Variants in ANKRD42 observed in about 807,000 individuals in gnomAD.
The protein encoded by ANKRD42 is ankyrin repeat domain 42, also known as ankyrin repeat domain-containing protein 42.
ANKRD42 carries 43 observed loss-of-function variants against 51.5 expected under a neutral mutation model. The observed-to-expected ratio is 0.83, with a 90% CI of 0.65 to 1.08. ANKRD42 has a LOEUF of 1.08. Among genes scored for constraint, ANKRD42 ranks in the 50% least tolerant of loss-of-function variants. The pLI, the probability that ANKRD42 is intolerant of heterozygous loss-of-function variation, is 0.00. For missense variants in ANKRD42, 608 were observed against 629.3 expected, an observed-to-expected ratio of 0.97 and a Z score of 0.36; for synonymous variants, 203 against 213.0, an observed-to-expected ratio of 0.95 and a Z score of 0.41.
chr11:83,239,761 A>G (rs1386859993), intron 8 of ANKRD42, among the ~76,000 whole-genome samples: 3 of 152,238 alleles, frequency 2.0e-5, no homozygotes, highest in Non-Finnish European at 4.4e-5. Flanking sequence ...AGCATCAAAT[A>G]GGTGATTGAA....
chr11:83,215,087 C>T (rs1382239095), intron 5 of ANKRD42: 2 of 152,156 alleles, frequency 1.3e-5, no homozygotes, highest in Admixed American at 6.5e-5. Context: ...AATTATATTT[C>T]GTTGTGAATA....
rs1229861456 is a variant in ANKRD42 at position 83,194,162 on chromosome 11, AT to A, written c.-505del. On this transcript the variant is annotated 5_prime_UTR_variant, in exon 1 of 11. Coordinates refer to ENST00000533342, the MANE Select transcript of ANKRD42 (RefSeq NM_001300975.2). Reference sequence around the variant, plus strand: ...AGCACCTTCTGCAGCAGCGACGTGAATTTTAGTGAAGTTGGAGGCCACCAAA... The same window carrying A: ...AGCACCTTCTGCAGCAGCGACGTGAATTTAGTGAAGTTGGAGGCCACCAAA... 2.2e-6 allele frequency: 1 copy of A among 457,114 alleles called. No homozygotes were observed. The highest frequency in any genetic ancestry group is 1.5e-5 in the South Asian group (1 of 64,560). 28.3% of individuals were successfully genotyped at this position (457,114 alleles called of 1,614,324 possible). A position where few individuals can be genotyped will look rare whatever the true frequency, so the allele number is the denominator to read the frequency against.
chr11:83,220,924 ATTT>A (rs1169710299), intron 5 of ANKRD42, among the ~76,000 whole-genome samples: 3 of 129,188 alleles, frequency 2.3e-5, no homozygotes, highest in Non-Finnish European at 5.0e-5. Context: ...GGATATTTAT[ATTT>A]ATCTCAAGTT....
At chr11:83,208,463 A>G (rs80044672) in intron 3 of ANKRD42, among the ~76,000 whole-genome samples, 28 of 152,316 alleles carry the variant, frequency 1.8e-4, no homozygotes, top group African/African-American at 6.7e-4. Flanking sequence ...TAATGAAAAC[A>G]GTATTTCAGG....
At chr11:83,205,104 T>G (rs1163940869) in intron 2 of ANKRD42, among the ~76,000 whole-genome samples, 1 of 152,206 alleles carries the variant, frequency 6.6e-6, no homozygotes, top group East Asian at 1.9e-4. Context: ...AGTTTGGCAG[T>G]TTTTAAAATA....
intron 7 of ANKRD42, among the ~76,000 whole-genome samples, chr11:83,228,218 T>TCC (rs1284524686): frequency 4.5e-5 from 5 of 110,574 alleles, no homozygotes; most frequent in East Asian, 2.9e-4. Flanking sequence ...ATAGAAATCA[T>TCC]CCCTCTCTCT....
chr11:83,204,223 A>G (rs763342265), intron 2 of ANKRD42, among the ~76,000 whole-genome samples: 1 of 152,194 alleles, frequency 6.6e-6, no homozygotes, highest in Non-Finnish European at 1.5e-5. Flanking sequence ...GATTACAGAC[A>G]TGAACCACTG....
downstream of ANKRD42, among the ~76,000 whole-genome samples, chr11:83,252,401 TC>T (rs1863690449): frequency 6.6e-6 from 1 of 152,202 alleles, no homozygotes; most frequent in African/African-American, 2.4e-5. Context: ...TATATAATGT[TC>T]TTGTCAGCAT....
At chr11:83,251,876 C>T (rs903093492), downstream of ANKRD42, among the ~76,000 whole-genome samples, 6 of 152,044 alleles carry the variant, frequency 3.9e-5, no homozygotes, top group Admixed American at 6.5e-5. Context: ...ATCTTCATGA[C>T]CTTGGGGTAG....
At chr11:83,219,306 C>T (rs1862640918) in intron 5 of ANKRD42, among the ~76,000 whole-genome samples, 1 of 152,194 alleles carries the variant, frequency 6.6e-6, no homozygotes, top group Admixed American at 6.5e-5. Context: ...AAGTGGGGCA[C>T]AAGGACTGTT....
chr11:83,262,207 A>G (rs560225606), downstream of ANKRD42, among the ~76,000 whole-genome samples: 8 of 152,294 alleles, frequency 5.3e-5, no homozygotes, highest in South Asian at 1.7e-3. Context: ...TTAGAAACCT[A>G]TAACCTGTAT....
chr11:83,219,995 T>C (rs963854481), intron 5 of ANKRD42, among the ~76,000 whole-genome samples: 1 of 152,158 alleles, frequency 6.6e-6, no homozygotes, highest in African/African-American at 2.4e-5. Flanking sequence ...TAACCTTGCT[T>C]GCAAGATGAG....
chr11:83,211,758 C>T (rs537590915), intron 5 of ANKRD42, among the ~76,000 whole-genome samples: 41 of 152,170 alleles, frequency 2.7e-4, no homozygotes, highest in African/African-American at 9.9e-4. Context: ...GCTGTGATTG[C>T]ACCACTGCAC....
intron 5 of ANKRD42, among the ~76,000 whole-genome samples, chr11:83,216,954 C>T (rs776098614): frequency 2.0e-5 from 3 of 151,752 alleles, no homozygotes; most frequent in Admixed American, 6.6e-5. Flanking sequence ...AAGAAGGGGC[C>T]CTGCAGTTGT....
chr11:83,205,162 T>C (rs1357817399), intron 2 of ANKRD42, among the ~76,000 whole-genome samples: 2 of 152,220 alleles, frequency 1.3e-5, no homozygotes, highest in African/African-American at 4.8e-5. Context: ...CACTTCTACA[T>C]ATTCACCCAA....
rs780802617 is a variant in ANKRD42 at position 83,193,969 on chromosome 11, C to A, written c.-702C>A. ...AAGAAAATGTGAAGAGAGCGACCGC[C>A]GCTCCAGGGTCGCTGCAGGAAGCCT... On this transcript the variant is annotated 5_prime_UTR_variant, in exon 1 of 11. Coordinates refer to ENST00000533342, the MANE Select transcript of ANKRD42 (RefSeq NM_001300975.2). 1.1e-5 allele frequency: 5 copies of A among 456,402 alleles called. No individual in the cohort carries two copies. The highest frequency in any genetic ancestry group is 7.7e-5 in the South Asian group (5 of 64,558). 28.3% of individuals were successfully genotyped at this position (456,402 alleles called of 1,614,324 possible). A position where few individuals can be genotyped will look rare whatever the true frequency, so the allele number is the denominator to read the frequency against.
chr11:83,224,921 C>A lies in ANKRD42; in HGVS notation c.653C>A (p.Ala218Glu). ...TTCCTAGTCAGTAGAATGAGCAGTG[C>A]GACGCAAGTTTTAAAAGCTTTCAAT... ...FKFLVSRMSSATQVLKAFNDN... is the reference protein window; with the variant it reads ...FKFLVSRMSSETQVLKAFNDN... The change falls in exon 6 of 11, where the codon GCG (alanine) becomes GAG (glutamate). Residue 218 changes from alanine (A) to glutamate (E), a missense_variant. Ala to Glu is a moderately radical substitution (Grantham distance 107, BLOSUM62 -1). Coordinates refer to ENST00000533342, the MANE Select transcript of ANKRD42 (RefSeq NM_001300975.2). 1.2e-6 allele frequency: 2 copies of A among 1,612,944 alleles called. No homozygotes were observed.
At chr11:83,230,396 C>T (rs1374069190) in intron 7 of ANKRD42, among the ~76,000 whole-genome samples, 1 of 152,144 alleles carries the variant, frequency 6.6e-6, no homozygotes, top group African/African-American at 2.4e-5. Context: ...CCCTACCTCC[C>T]TCTGACTCCC....
chr11:83,204,294 A>G (rs1861985737), intron 2 of ANKRD42, among the ~76,000 whole-genome samples: 1 of 152,230 alleles, frequency 6.6e-6, no homozygotes, highest in Admixed American at 6.5e-5. Flanking sequence ...GAGAGCAGAT[A>G]TATTTTCATT....
Sources: allele counts gnomAD v4.1 joint callset (sites outside exome capture counted in the v4.1 genomes callset), GRCh38; gene constraint gnomAD v4.1.1; transcripts MANE v1.5; gene names NCBI Gene and HGNC (gene_info 2026-07-23, HGNC 2026-07-21).